TSTD2: variants seen among roughly 807,000 people sequenced by gnomAD.
TSTD2 encodes the protein thiosulfate sulfurtransferase/rhodanese-like domain-containing protein 2.
In TSTD2, 37 loss-of-function variants were observed where a neutral mutation model predicts 47.9. That is an observed-to-expected ratio of 0.77 (90% CI 0.59 to 1.02). TSTD2 has a LOEUF of 1.02. TSTD2 is among the 50% of genes least tolerant of loss of function. The pLI is 0.00. For missense variants in TSTD2, 586 were observed against 616.0 expected (o/e 0.95, Z 0.52); for synonymous variants, 201 against 215.9 (o/e 0.93, Z 0.61).
chr9:97,607,277 T>C (rs1175372607), intron 6 of TSTD2, among the ~76,000 whole-genome samples: 1 of 152,166 alleles, frequency 6.6e-6, no homozygotes, highest in African/African-American at 2.4e-5. Context: ...GGTCCAGAAA[T>C]CTCAGTAGAT....
rs1289991954 is a variant in TSTD2, at chr9:97,606,230, T to G, written c.867A>C (p.Lys289Asn). 2 of 1,609,488 alleles carry G rather than the reference T, an allele frequency of 1.2e-6. No homozygotes were observed. The highest frequency in any genetic ancestry group is 2.7e-5 in the African/African-American group (2 of 74,776). Residue 289 changes from lysine (K) to asparagine (N), a missense_variant, in exon 7 of 10, where the codon AAA becomes AAC. Lys to Asn is a moderately conservative substitution (Grantham distance 94). Coordinates refer to ENST00000341170, the MANE Select transcript of TSTD2 (RefSeq NM_139246.5). ...CCTGAGATAAAAACTTTTCTACTTC[T>G]TTATGAAATTCACCTGGGGATAAAT... ...GIHLSPGEFH[K>N]EVEKFLSQAN...
At chr9:97,619,108 C>T (rs1826589621) in intron 3 of TSTD2, among the ~76,000 whole-genome samples, 1 of 152,198 alleles carries the variant, frequency 6.6e-6, no homozygotes, top group South Asian at 2.1e-4. Context: ...TCCTATATAA[C>T]TCATTCTGCA....
intron 9 of TSTD2, 143 bp downstream of exon 9, chr9:97,604,584 T>C: frequency 4.0e-6 from 5 of 1,264,826 alleles, no homozygotes; most frequent in South Asian, 3.1e-5. Context: ...GCTGGGAAAA[T>C]GGTGGCACAA....
chr9:97,614,711 G>T (rs1300107633), intron 4 of TSTD2, among the ~76,000 whole-genome samples: 1 of 152,122 alleles, frequency 6.6e-6, no homozygotes, highest in Non-Finnish European at 1.5e-5. Flanking sequence ...ACCCTGAGCT[G>T]GTAAATGACC....
rs140042331 is a variant in TSTD2 at position 97,629,643 on chromosome 9, C to T, written c.-50-2031G>A. 2.7e-4 allele frequency among the ~76,000 whole-genome samples: 41 copies of T among 152,342 alleles called. No homozygotes were observed. The East Asian group carries it at 6.7e-3, about 25-fold the overall frequency. On this transcript the variant is annotated intron_variant, in intron 1 of 9. Coordinates refer to ENST00000341170, the MANE Select transcript of TSTD2 (RefSeq NM_139246.5). ...AAGTACATCCCTAACTCTACACAAA[C>T]CTGTAAGCCTTCCAGGCAGAAGTAA...
intron 4 of TSTD2, among the ~76,000 whole-genome samples, chr9:97,613,821 T>C (rs980094070): frequency 1.3e-5 from 2 of 149,988 alleles, no homozygotes; most frequent in Non-Finnish European, 3.0e-5. Flanking sequence ...CCTCACTTGA[T>C]CAATTCTTTT....
intron 7 of TSTD2, among the ~76,000 whole-genome samples, chr9:97,605,846 G>A (rs773045828): frequency 1.1e-4 from 16 of 152,292 alleles, no homozygotes; most frequent in Middle Eastern, 6.8e-3. Flanking sequence ...GGTCCTCAGG[G>A]GAACTGGAGA....
chr9:97,612,267 T>A (rs1224137372), intron 4 of TSTD2, among the ~76,000 whole-genome samples: 3 of 152,254 alleles, frequency 2.0e-5, no homozygotes, highest in Non-Finnish European at 2.9e-5. Context: ...TTAGGTTGAT[T>A]CCATGTCTTT....
At position 97,600,464 on chromosome 9, in the gene TSTD2, T is replaced by C. The variant is rs558647249; in HGVS notation, c.*2005A>G. The C allele has an allele frequency of 7.1e-6, 7 of 985,648 alleles. No homozygotes were observed. The South Asian group carries it at 2.8e-4, about 40-fold the overall frequency. 61.1% of individuals were successfully genotyped at this position (985,648 alleles called of 1,614,324 possible). Reference sequence around the variant, plus strand: ...ACTGGAGTTAGAACTTTTTCCTTATTGAATGCCAACCTTATGATGGATGTG... The same window carrying C: ...ACTGGAGTTAGAACTTTTTCCTTATCGAATGCCAACCTTATGATGGATGTG... On this transcript the variant is annotated 3_prime_UTR_variant, in exon 10 of 10. Transcript: ENST00000341170.
At chr9:97,603,339 C>A (rs907003827) in intron 9 of TSTD2, among the ~76,000 whole-genome samples, 4 of 152,204 alleles carry the variant, frequency 2.6e-5, no homozygotes, top group Non-Finnish European at 4.4e-5. Context: ...TAACATCATT[C>A]TTCCTCACTT....
chr9:97,630,482 T>TAAAC (rs140932255), intron 1 of TSTD2, among the ~76,000 whole-genome samples: 189 of 126,544 alleles, frequency 1.5e-3, no homozygotes, highest in South Asian at 2.5e-3. Flanking sequence ...AAGTAAGTAA[T>TAAAC]AAACAAACAA....
Position 97,602,312 on chromosome 9 carries a change from TC to T in TSTD2, c.*156del. On this transcript the variant is annotated 3_prime_UTR_variant, in exon 10 of 10. Transcript: ENST00000341170. ...GGTAAGTGGTAGACAACGTGACTCCTCCCCTCCCGCTGTGAAGTGTAGACGG... is the reference window on the plus strand; with the variant it reads ...GGTAAGTGGTAGACAACGTGACTCCTCCCTCCCGCTGTGAAGTGTAGACGG... The T allele has an allele frequency of 1.2e-6, 1 of 828,368 alleles. No homozygotes were observed. 51.3% of individuals were successfully genotyped at this position (828,368 alleles called of 1,614,324 possible).
chr9:97,631,482 C>T (rs1406145357), intron 1 of TSTD2, among the ~76,000 whole-genome samples: 2 of 152,114 alleles, frequency 1.3e-5, no homozygotes, highest in African/African-American at 4.8e-5. Flanking sequence ...TACTACCACC[C>T]TAGTTCAAGC....
intron 3 of TSTD2, among the ~76,000 whole-genome samples, chr9:97,621,302 G>A (rs1826630861): frequency 6.6e-6 from 1 of 152,106 alleles, no homozygotes; most frequent in Non-Finnish European, 1.5e-5. Context: ...ATAAGCTGAG[G>A]ATGTATGTCG....
intron 4 of TSTD2, among the ~76,000 whole-genome samples, chr9:97,613,123 TTC>T (rs1488693196): frequency 6.6e-6 from 1 of 152,228 alleles, no homozygotes; most frequent in Non-Finnish European, 1.5e-5. Context: ...GTTAATTGAC[TTC>T]TCTGAATCTT....
At chr9:97,606,078 T>C in intron 7 of TSTD2, 65 bp downstream of exon 7, 1 of 1,194,476 alleles carries the variant, frequency 8.4e-7, no homozygotes, top group Non-Finnish European at 1.2e-6. Context: ...CCTTGGGAAA[T>C]ATACCACACT....
At chr9:97,616,173 TG>T (rs1244249536) in intron 4 of TSTD2, among the ~76,000 whole-genome samples, 1 of 152,142 alleles carries the variant, frequency 6.6e-6, no homozygotes, top group Non-Finnish European at 1.5e-5. Flanking sequence ...ATAGTTTGCT[TG>T]TAAGAAGGCC....
rs771489175 is a variant in TSTD2, at chr9:97,627,481, T to C, written c.82A>G (p.Met28Val). The change falls in exon 2 of 10, where the codon ATG becomes GTG. Residue 28 changes from methionine (M) to valine (V), a missense_variant. Met to Val is a conservative substitution (Grantham distance 21). Transcript: ENST00000341170. Reference protein sequence around the residue: ...LRFSDLDLKDMSLINPSSSLK... With the variant: ...LRFSDLDLKDVSLINPSSSLK... ...CTGCTGCTGGGATTAATAAGACTCATATCTTTTAAATCCAGGTCAGAAAAT... is the reference window on the plus strand; with the variant it reads ...CTGCTGCTGGGATTAATAAGACTCACATCTTTTAAATCCAGGTCAGAAAAT... The C allele has an allele frequency of 6.2e-7, 1 of 1,613,834 alleles. No homozygotes were observed. The highest frequency in any genetic ancestry group is 1.1e-5 in the South Asian group (1 of 91,052).
At position 97,633,367 on chromosome 9, in the gene TSTD2, A is replaced by G. The variant is rs745748826; in HGVS notation, c.-175T>C. On this transcript the variant is annotated 5_prime_UTR_variant, in exon 1 of 10. Coordinates refer to ENST00000341170, the MANE Select transcript of TSTD2 (RefSeq NM_139246.5). The stretch of plus-strand genomic sequence containing the variant: ...ATTTGGGTAGAAAAGCTCGCTCGTG[A>G]CGTCACCAAGCTCCGGAAGTCTCCT... The G allele has an allele frequency of 1.0e-5, 4 of 383,672 alleles. No individual in the cohort carries two copies. Among genetic ancestry groups the G allele is most frequent in the Non-Finnish European group, 1.8e-5 (4 of 216,380 alleles). 23.8% of individuals were successfully genotyped at this position (383,672 alleles called of 1,614,324 possible).
Sources: gnomAD v4.1 joint callset for allele counts (sites outside exome capture counted in the v4.1 genomes callset) on GRCh38, gnomAD v4.1.1 for gene constraint, MANE v1.5 for transcripts, NCBI Gene and HGNC (gene_info 2026-07-23, HGNC 2026-07-21) for gene names.